The following EPHA6 variants were observed in gnomAD, a reference collection of about 807,000 sequenced individuals.
EPHA6 encodes the protein ephrin type-A receptor 6.
A neutral mutation model predicts 112.0 loss-of-function variants in EPHA6; 50 were observed. The ratio of observed to expected loss-of-function variants is 0.45; its 90% confidence interval spans 0.36 to 0.56. EPHA6 has a LOEUF of 0.56. EPHA6 is among the 20% of genes least tolerant of loss of function. EPHA6 has a pLI of 0.00. For synonymous variants in EPHA6, 529 were observed against 490.7 expected (o/e 1.08, Z -1.03); for missense variants, 1,280 against 1,417.4 (o/e 0.90, Z 1.56).
chr3:97,451,085 T>A (rs987325581), intron 7 of EPHA6, among the ~76,000 whole-genome samples: 1 of 151,812 alleles, frequency 6.6e-6, no homozygotes, highest in Admixed American at 6.6e-5. Context: ...GGTGAGGAGA[T>A]GAAAATTGTA....
chr3:96,994,549 A>T (rs1385616228), intron 3 of EPHA6, among the ~76,000 whole-genome samples: 1 of 151,910 alleles, frequency 6.6e-6, no homozygotes, highest in Non-Finnish European at 1.5e-5. Flanking sequence ...TTGTTTAGTT[A>T]TACGAGTTCT....
chr3:97,676,283 A>G (rs2031372851), intron 14 of EPHA6, among the ~76,000 whole-genome samples: 3 of 152,304 alleles, frequency 2.0e-5, no homozygotes, highest in South Asian at 4.1e-4. Flanking sequence ...CCAAAGAGGT[A>G]GAAAAAGAGC....
intron 3 of EPHA6, among the ~76,000 whole-genome samples, chr3:97,171,097 G>A (rs898114728): frequency 1.2e-4 from 19 of 152,104 alleles, no homozygotes; most frequent in African/African-American, 4.1e-4. Context: ...TTGTCTTAGA[G>A]AAAACGAGAC....
At chr3:97,387,095 C>G (rs1290344716) in intron 5 of EPHA6, among the ~76,000 whole-genome samples, 1 of 152,210 alleles carries the variant, frequency 6.6e-6, no homozygotes, top group Non-Finnish European at 1.5e-5. Flanking sequence ...CCTAGGCCTC[C>G]AGGCCTGTAA....
chr3:96,995,149 G>A lies in EPHA6; in HGVS notation c.1114+7156G>A, dbSNP rs183024497. On this transcript the variant is annotated intron_variant, in intron 3 of 17. Transcript: ENST00000389672. ...AGTGTTGTTATTAAGGCTTCATGGC[G>A]CAATCCTCTGCTGCAGTTCAGAAAC... Among the ~76,000 whole-genome samples the A allele has an allele frequency of 2.0e-3, 310 of 152,050 alleles. 2 individuals carry two copies. Among genetic ancestry groups the A allele is most frequent in the South Asian group, 0.018 (87 of 4,808 alleles).
chr3:96,990,405 G>A (rs925657314), intron 3 of EPHA6, among the ~76,000 whole-genome samples: 1 of 152,036 alleles, frequency 6.6e-6, no homozygotes, highest in Non-Finnish European at 1.5e-5. Context: ...AGAAACATGA[G>A]GGAGTCAGTA....
At chr3:97,191,527 TG>T (rs1299857175) in intron 3 of EPHA6, among the ~76,000 whole-genome samples, 1 of 152,142 alleles carries the variant, frequency 6.6e-6, no homozygotes, top group Admixed American at 6.6e-5. Context: ...GTGAGTTCAA[TG>T]GTCTTAATTT....
chr3:97,203,442 G>A (rs1222873400), intron 3 of EPHA6, among the ~76,000 whole-genome samples: 1 of 152,052 alleles, frequency 6.6e-6, no homozygotes, highest in African/African-American at 2.4e-5. Flanking sequence ...GTTTGTAAGG[G>A]TAGAGAAGTT....
intron 5 of EPHA6, among the ~76,000 whole-genome samples, chr3:97,318,943 T>C (rs1438141230): frequency 7.2e-5 from 11 of 151,874 alleles, no homozygotes; most frequent in Non-Finnish European, 5.9e-5. Context: ...AACATTCCAA[T>C]AGTAGAATTT....
chr3:97,307,632 G>A (rs561252404), intron 5 of EPHA6, among the ~76,000 whole-genome samples: 37 of 148,806 alleles, frequency 2.5e-4, no homozygotes, highest in Non-Finnish European at 3.7e-4. Flanking sequence ...CTTTAAAGGT[G>A]ATGTCTACTC....
At chr3:97,453,077 G>A (rs1421358548) in intron 7 of EPHA6, among the ~76,000 whole-genome samples, 1 of 151,636 alleles carries the variant, frequency 6.6e-6, no homozygotes, top group African/African-American at 2.4e-5. Context: ...TAAAGCACTA[G>A]CAAGATTTAT....
intron 6 of EPHA6, among the ~76,000 whole-genome samples, chr3:97,447,205 T>A (rs1304754519): frequency 6.6e-6 from 1 of 152,162 alleles, no homozygotes; most frequent in Non-Finnish European, 1.5e-5. Flanking sequence ...AGAGAAATGA[T>A]TTTCATAGTT....
At chr3:96,846,690 G>A (rs926301650) in intron 1 of EPHA6, among the ~76,000 whole-genome samples, 3 of 151,976 alleles carry the variant, frequency 2.0e-5, no homozygotes, top group Non-Finnish European at 4.4e-5. Flanking sequence ...TGAAAAAAAT[G>A]AACTTAGAAT....
At chr3:97,564,349 C>G (rs1284968562) in intron 11 of EPHA6, among the ~76,000 whole-genome samples, 1 of 152,038 alleles carries the variant, frequency 6.6e-6, no homozygotes, top group Non-Finnish European at 1.5e-5. Flanking sequence ...TGAAGTATTG[C>G]ATTTACAAGT....
chr3:97,541,135 T>A (rs918541266), intron 11 of EPHA6, among the ~76,000 whole-genome samples: 1 of 152,022 alleles, frequency 6.6e-6, no homozygotes, highest in African/African-American at 2.4e-5. Context: ...TTAAAAAAAA[T>A]CCATGAAATT....
chr3:97,506,625 A>C (rs997819122), intron 10 of EPHA6, among the ~76,000 whole-genome samples: 1 of 152,152 alleles, frequency 6.6e-6, no homozygotes, highest in African/African-American at 2.4e-5. Flanking sequence ...TGATGCCTCC[A>C]GCTTTGTTCT....
At chr3:97,561,331 G>GC (rs1484199553) in intron 11 of EPHA6, among the ~76,000 whole-genome samples, 1 of 152,030 alleles carries the variant, frequency 6.6e-6, no homozygotes, top group African/African-American at 2.4e-5. Flanking sequence ...AGTTGTAAAT[G>GC]CAAAGGGAGT....
At chr3:97,728,280 G>T (rs1200730254) in intron 15 of EPHA6, among the ~76,000 whole-genome samples, 9 of 151,454 alleles carry the variant, frequency 5.9e-5, no homozygotes, top group African/African-American at 1.7e-4. Flanking sequence ...TTCCCAGAGA[G>T]TGCTTGGGAA....
intron 7 of EPHA6, among the ~76,000 whole-genome samples, chr3:97,461,862 T>A (rs2090899493): frequency 6.6e-6 from 1 of 152,172 alleles, no homozygotes; most frequent in South Asian, 2.1e-4. Context: ...ACTTCTGAGA[T>A]ACCAAATCTT....
Sources: gnomAD v4.1 joint callset for allele counts (sites outside exome capture counted in the v4.1 genomes callset) on GRCh38, gnomAD v4.1.1 for gene constraint, MANE v1.5 for transcripts, NCBI Gene and HGNC (gene_info 2026-07-23, HGNC 2026-07-21) for gene names.